CAB39L: variants seen among roughly 807,000 people sequenced by gnomAD.
The protein encoded by CAB39L is calcium binding protein 39 like, also known as calcium-binding protein 39-like.
Under a neutral mutation model 39.1 loss-of-function variants are expected in CAB39L, and 23 were observed. The ratio of observed to expected loss-of-function variants is 0.59; its 90% CI spans 0.42 to 0.83. The LOEUF (loss-of-function observed/expected upper bound fraction) is 0.83. Among genes scored for constraint, CAB39L ranks in the 40% least tolerant of loss-of-function variants. CAB39L has a pLI of 0.00. For missense variants in CAB39L, 366 were observed against 391.9 expected (o/e 0.93, Z 0.56); for synonymous variants, 126 against 137.2 (o/e 0.92, Z 0.57).
Position 49,350,912 on chromosome 13 carries a change from T to C in CAB39L, c.396A>G (p.Gly132=), listed in dbSNP as rs747408820. The C allele has an allele frequency of 2.7e-5, 43 of 1,573,810 alleles. No individual in the cohort carries two copies. The Middle Eastern group carries it at 4.1e-3, about 149-fold the overall frequency. ...HPHILFMLLK[G]YEAPQIALRC... is the part of the protein sequence containing the mutation. ...GTAAGGCAATCTGTGGGGCTTCATATCTAAAGCGTAAACAAGAGAGAAATA... is the reference window on the plus strand; with the variant it reads ...GTAAGGCAATCTGTGGGGCTTCATACCTAAAGCGTAAACAAGAGAGAAATA... Residue 132 remains glycine, a splice_region_variant and synonymous_variant, in exon 7 of 11, where the codon GGA becomes GGG. Transcript: ENST00000409308.
chr13:49,325,230 CTTCT>C (rs1954463820), intron 10 of CAB39L, among the ~76,000 whole-genome samples: 1 of 152,156 alleles, frequency 6.6e-6, no homozygotes, highest in Non-Finnish European at 1.5e-5. Flanking sequence ...TTCTCCTTGG[CTTCT>C]TTGTTAAATA....
chr13:49,369,811 C>T (rs1180676738), intron 5 of CAB39L, among the ~76,000 whole-genome samples: 1 of 152,086 alleles, frequency 6.6e-6, no homozygotes, highest in African/African-American at 2.4e-5. Context: ...TGGTCTCGGG[C>T]TCCTGACCTC....
At chr13:49,341,487 G>A (rs746111157) in intron 8 of CAB39L, among the ~76,000 whole-genome samples, 3 of 151,962 alleles carry the variant, frequency 2.0e-5, no homozygotes, top group Non-Finnish European at 2.9e-5. Flanking sequence ...TCCTGACCTC[G>A]TGATCCACCC....
intron 5 of CAB39L, among the ~76,000 whole-genome samples, chr13:49,365,240 T>A (rs180725449): frequency 6.6e-6 from 1 of 152,142 alleles, no homozygotes; most frequent in Non-Finnish European, 1.5e-5. Flanking sequence ...AAACTGAATA[T>A]CCACATGCAG....
At chr13:49,417,573 G>C (rs1388182276) in intron 3 of CAB39L, among the ~76,000 whole-genome samples, 1 of 151,956 alleles carries the variant, frequency 6.6e-6, no homozygotes, top group Non-Finnish European at 1.5e-5. Flanking sequence ...TATCTAAATT[G>C]GACTCAGGCA....
intron 1 of CAB39L, among the ~76,000 whole-genome samples, chr13:49,441,640 G>A (rs1957526587): frequency 6.6e-6 from 1 of 152,130 alleles, no homozygotes; most frequent in Non-Finnish European, 1.5e-5. Flanking sequence ...CTATTTCCTA[G>A]TGGAATCTGG....
At chr13:49,435,392 A>G (rs1310535587) in intron 1 of CAB39L, among the ~76,000 whole-genome samples, 1 of 152,230 alleles carries the variant, frequency 6.6e-6, no homozygotes, top group Non-Finnish European at 1.5e-5. Flanking sequence ...AATGTATCAA[A>G]GTGCCTATTT....
rs1594093305 is a variant in CAB39L, at chr13:49,426,692, T to C, written c.-32+6626A>G. Among the ~76,000 whole-genome samples, 4 of 152,294 alleles carry C rather than the reference T, an allele frequency of 2.6e-5. No homozygotes were observed. The East Asian group carries it at 7.7e-4, about 29-fold the overall frequency. The stretch of plus-strand genomic sequence containing the variant: ...TGCCTGCCTCGGCCTCCCAAAGTGG[T>C]GGGATTACAGGAGTGAGCCACCGCG... On this transcript the variant is annotated intron_variant, in intron 3 of 10. Transcript: ENST00000409308.
intron 4 of CAB39L, among the ~76,000 whole-genome samples, chr13:49,380,445 C>T (rs1029562509): frequency 9.9e-5 from 15 of 152,032 alleles, no homozygotes; most frequent in African/African-American, 3.4e-4. Flanking sequence ...TTAAAGAATA[C>T]TAGGCAAATC....
At chr13:49,326,762 C>G (rs1006034505) in intron 10 of CAB39L, among the ~76,000 whole-genome samples, 1 of 152,102 alleles carries the variant, frequency 6.6e-6, no homozygotes, top group African/African-American at 2.4e-5. Context: ...ATGTACCTAC[C>G]CTGTCCAATG....
chr13:49,421,979 G>C (rs577881149), intron 3 of CAB39L, among the ~76,000 whole-genome samples: 1 of 152,140 alleles, frequency 6.6e-6, no homozygotes, highest in East Asian at 1.9e-4. Flanking sequence ...ATCACAAAGA[G>C]ATATACCATT....
chr13:49,401,959 T>A (rs1024003715), intron 3 of CAB39L, among the ~76,000 whole-genome samples: 1 of 152,166 alleles, frequency 6.6e-6, no homozygotes, highest in Non-Finnish European at 1.5e-5. Context: ...AGAGTACTTA[T>A]AATTTAAACT....
chr13:49,392,164 A>G (rs1464458036), intron 3 of CAB39L, among the ~76,000 whole-genome samples: 1 of 152,178 alleles, frequency 6.6e-6, no homozygotes, highest in African/African-American at 2.4e-5. Flanking sequence ...AAGAGAATAT[A>G]TAGAGGTTAT....
intron 3 of CAB39L, chr13:49,414,198 G>A (rs961411482): frequency 2.4e-4 from 37 of 152,158 alleles, no homozygotes; most frequent in African/African-American, 8.4e-4. Flanking sequence ...TGAAAGATTT[G>A]CCTTAGTAAA....
chr13:49,314,966 ACTAGCAAGGGCTGAAG>A (rs1471312026), intron 10 of CAB39L, among the ~76,000 whole-genome samples: 1 of 152,214 alleles, frequency 6.6e-6, no homozygotes, highest in African/African-American at 2.4e-5. Context: ...GGCTCACAGA[ACTAGCAAGGGCTGAAG>A]CTGAGATTAA....
intron 3 of CAB39L, among the ~76,000 whole-genome samples, chr13:49,429,464 T>C (rs1957287638): frequency 6.6e-6 from 1 of 152,224 alleles, no homozygotes; most frequent in South Asian, 2.1e-4. Context: ...CATTAGGTTA[T>C]TTCCCATTTG....
intron 3 of CAB39L, among the ~76,000 whole-genome samples, chr13:49,419,771 G>C (rs931070805): frequency 6.6e-6 from 1 of 152,006 alleles, no homozygotes; most frequent in Admixed American, 6.6e-5. Context: ...CTTTAACCGG[G>C]ATTTTATGAC....
intron 3 of CAB39L, among the ~76,000 whole-genome samples, chr13:49,411,786 GACCC>G (rs1317408279): frequency 2.6e-5 from 4 of 152,134 alleles, no homozygotes; most frequent in African/African-American, 9.7e-5. Flanking sequence ...ATAAGCTGGA[GACCC>G]ATTCCTTATC....
intron 3 of CAB39L, among the ~76,000 whole-genome samples, chr13:49,428,768 G>A (rs1957278076): frequency 6.6e-6 from 1 of 152,158 alleles, no homozygotes; most frequent in Non-Finnish European, 1.5e-5. Context: ...AGAAAAATAA[G>A]TATGTGGCAT....
Sources: gnomAD v4.1 joint callset for allele counts (sites outside exome capture counted in the v4.1 genomes callset) on GRCh38, gnomAD v4.1.1 for gene constraint, MANE v1.5 for transcripts, NCBI Gene and HGNC (gene_info 2026-07-23, HGNC 2026-07-21) for gene names.